Variants in CELF4 observed in about 807,000 individuals in gnomAD.
CELF4 encodes the protein CUGBP Elav-like family member 4.
Under a neutral mutation model 59.9 loss-of-function variants are expected in CELF4, and 18 were observed. The ratio of observed to expected loss-of-function variants is 0.30; its 90% CI spans 0.21 to 0.45. CELF4 has a LOEUF of 0.45. Ranked by LOEUF, CELF4 falls within the 20% of genes least tolerant of loss-of-function variation. CELF4 has a pLI of 1.00. For missense variants in CELF4, 456 were observed against 689.0 expected, an observed-to-expected ratio of 0.66 and a Z score of 3.79; for synonymous variants, 261 against 267.1, an observed-to-expected ratio of 0.98 and a Z score of 0.22.
chr18:37,411,152 T>G (rs900272371), intron 2 of CELF4, among the ~76,000 whole-genome samples: 1 of 152,008 alleles, frequency 6.6e-6, no homozygotes, highest in Admixed American at 6.5e-5. Flanking sequence ...GAGACGGGTC[T>G]CACTATGTGC....
intron 1 of CELF4, among the ~76,000 whole-genome samples, chr18:37,513,608 T>G (rs933532125): frequency 1.3e-5 from 2 of 152,204 alleles, no homozygotes; most frequent in African/African-American, 4.8e-5. Flanking sequence ...TGCACCAACC[T>G]TCTCTTTCCA....
In CELF4 at chr18:37,507,811, A is replaced by G. The variant is rs537118424; in HGVS notation, c.287-22204T>C. On this transcript the variant is annotated intron_variant, in intron 1 of 12. Coordinates refer to ENST00000420428, the MANE Select transcript of CELF4 (RefSeq NM_020180.4). ...TGCTGAACACAATGCCTGAGGGCCC[A>G]GGGCCCCTCACATTTAACTTGTGCA... 7.2e-5 allele frequency among the ~76,000 whole-genome samples: 11 copies of G among 152,260 alleles called. No homozygotes were observed. In the East Asian group the frequency reaches 2.1e-3, roughly 29 times the overall value.
intron 2 of CELF4, chr18:37,473,967 G>A (rs1391027434): frequency 6.6e-6 from 1 of 152,226 alleles, no homozygotes; most frequent in Non-Finnish European, 1.5e-5. Context: ...TCCTGGAGAG[G>A]GGACCTCTTG....
intron 2 of CELF4, among the ~76,000 whole-genome samples, chr18:37,362,603 G>C (rs1197915074): frequency 6.6e-6 from 1 of 151,726 alleles, no homozygotes; most frequent in Non-Finnish European, 1.5e-5. Flanking sequence ...GCTGCAGCCT[G>C]GGGAGCAGGC....
intron 3 of CELF4, among the ~76,000 whole-genome samples, chr18:37,311,353 T>C (rs2096639588): frequency 6.6e-6 from 1 of 152,224 alleles, no homozygotes; most frequent in African/African-American, 2.4e-5. Context: ...CACCAGCCAC[T>C]TCCTTCCCCA....
Position 37,466,516 on chromosome 18 carries a change from C to G in CELF4, c.369+19009G>C, listed in dbSNP as rs2099809568. ...TCTAGGTCCCAGCAGAAAGGGCAGA[C>G]AACTTCCAGGATGTCTGCTTAGGGA... On this transcript the variant is annotated intron_variant, in intron 2 of 12. Transcript: ENST00000420428. Among the ~76,000 whole-genome samples, 3 of 152,156 alleles carry G rather than the reference C, an allele frequency of 2.0e-5. No homozygotes were observed. In the South Asian group the frequency reaches 6.2e-4, roughly 32 times the overall value.
intron 1 of CELF4, among the ~76,000 whole-genome samples, chr18:37,522,521 A>G (rs541884655): frequency 6.4e-4 from 97 of 150,870 alleles, no homozygotes; most frequent in East Asian, 2.7e-3. Flanking sequence ...GTGAGCGCGC[A>G]CACACACACA....
chr18:37,519,067 G>T lies in CELF4; in HGVS notation c.287-33460C>A, dbSNP rs567729336. 1.1e-4 allele frequency among the ~76,000 whole-genome samples: 17 copies of T among 152,298 alleles called. No individual in the cohort carries two copies. In the South Asian group the frequency reaches 3.5e-3, roughly 32 times the overall value. On this transcript the variant is annotated intron_variant, in intron 1 of 12. Coordinates refer to ENST00000420428, the MANE Select transcript of CELF4 (RefSeq NM_020180.4). ...ACCAAGTAAGATCTGTCTCCCAGGA[G>T]CTTCCACCTGGAGGTCCTGAGAGCC...
intron 1 of CELF4, among the ~76,000 whole-genome samples, chr18:37,559,962 T>C (rs2154606253): frequency 6.6e-6 from 1 of 152,332 alleles, no homozygotes; most frequent in South Asian, 2.1e-4. Context: ...GTCATTTTTT[T>C]CCTTTGCGTT....
At chr18:37,516,680 A>G (rs2099950949) in intron 1 of CELF4, among the ~76,000 whole-genome samples, 1 of 152,212 alleles carries the variant, frequency 6.6e-6, no homozygotes, top group Admixed American at 6.5e-5. Flanking sequence ...CTGAACACAT[A>G]TGTGTGGCAG....
chr18:37,251,603 G>T (rs756643336), intron 12 of CELF4, among the ~76,000 whole-genome samples: 1 of 152,162 alleles, frequency 6.6e-6, no homozygotes, highest in Non-Finnish European at 1.5e-5. Context: ...TGAGAAAAAA[G>T]AAGCCCAAAG....
At chr18:37,382,202 T>C (rs993477179) in intron 2 of CELF4, among the ~76,000 whole-genome samples, 3 of 152,160 alleles carry the variant, frequency 2.0e-5, no homozygotes, top group African/African-American at 7.2e-5. Flanking sequence ...AATGTTACCA[T>C]CCCATTTTAC....
At chr18:37,259,082 G>A (rs752514601) in intron 11 of CELF4, 99 bp downstream of exon 11, 1 of 1,586,614 alleles carries the variant, frequency 6.3e-7, no homozygotes, top group Non-Finnish European at 8.6e-7. Context: ...GCACCGCCCT[G>A]TCCTAGGTGA....
At chr18:37,276,252 T>G (rs2093237444) in intron 3 of CELF4, 1 of 152,162 alleles carries the variant, frequency 6.6e-6, no homozygotes, top group African/African-American at 2.4e-5. Context: ...TGGGGCTGTA[T>G]CCACCTGCAG....
At chr18:37,325,584 T>TGGC (rs749198623) in intron 2 of CELF4, among the ~76,000 whole-genome samples, 4 of 152,176 alleles carry the variant, frequency 2.6e-5, no homozygotes, top group Non-Finnish European at 4.4e-5. Flanking sequence ...AGACGGGCCC[T>TGGC]GGATGGTGCA....
At chr18:37,401,571 A>C (rs924990656) in intron 2 of CELF4, among the ~76,000 whole-genome samples, 1 of 152,180 alleles carries the variant, frequency 6.6e-6, no homozygotes, top group African/African-American at 2.4e-5. Flanking sequence ...AGTTCTCTTG[A>C]GAGTGCAACC....
At chr18:37,329,590 G>A (rs1265279562) in intron 2 of CELF4, among the ~76,000 whole-genome samples, 3 of 152,208 alleles carry the variant, frequency 2.0e-5, no homozygotes, top group African/African-American at 7.2e-5. Flanking sequence ...CAGGGTGAAC[G>A]TGACCAACCC....
chr18:37,301,842 A>G (rs972377155), intron 3 of CELF4, among the ~76,000 whole-genome samples: 1 of 152,196 alleles, frequency 6.6e-6, no homozygotes, highest in Admixed American at 6.5e-5. Context: ...CACACAATAC[A>G]TATGACACAG....
intron 2 of CELF4, among the ~76,000 whole-genome samples, chr18:37,475,094 G>T (rs931530500): frequency 2.6e-5 from 4 of 152,188 alleles, no homozygotes; most frequent in African/African-American, 4.8e-5. Context: ...AGCAACACCC[G>T]CAGTGGAAGC....
Sources: allele counts gnomAD v4.1 joint callset (sites outside exome capture counted in the v4.1 genomes callset), GRCh38; gene constraint gnomAD v4.1.1; transcripts MANE v1.5; gene names NCBI Gene and HGNC (gene_info 2026-07-23, HGNC 2026-07-21).